The following TRDN variants were observed in gnomAD, a reference collection of about 807,000 sequenced individuals.
TRDN encodes the protein triadin, also known as triadin in skeletal muscle.
A neutral mutation model predicts 149.7 loss-of-function variants in TRDN; 161 were observed. That is an observed-to-expected ratio of 1.08 (90% confidence interval 0.95 to 1.23). The LOEUF is 1.23. Ranked by LOEUF, TRDN falls within the 50% of genes most tolerant of loss-of-function variation. The pLI is 0.00. For missense variants in TRDN, 896 were observed against 823.5 expected, an observed-to-expected ratio of 1.09 and a Z score of -1.08; for synonymous variants, 294 against 250.5, an observed-to-expected ratio of 1.17 and a Z score of -1.64.
rs541954707 is a variant in TRDN at position 123,295,234 on chromosome 6, G to A, written c.1511-16152C>T. On this transcript the variant is annotated intron_variant, in intron 24 of 40. Transcript: ENST00000334268. ...TGATGACTACTCCTCCCCTAGAAAT[G>A]TCTGCATAGACTGCTCCTTAATATG... Among the ~76,000 whole-genome samples, 16 of 152,254 alleles carry A rather than the reference G, an allele frequency of 1.1e-4. No individual in the cohort carries two copies. In the East Asian group the frequency reaches 3.1e-3, roughly 30 times the overall value.
Position 123,548,501 on chromosome 6 carries a change from G to A in TRDN, c.344C>T (p.Ser115Leu). The A allele has an allele frequency of 6.3e-7, 1 of 1,577,220 alleles. No individual in the cohort carries two copies. The highest frequency in any genetic ancestry group is 8.6e-7 in the Non-Finnish European group (1 of 1,160,846). ...GFFSLLSDIISSEDEEDDDGD... is the reference protein window; with the variant it reads ...GFFSLLSDIILSEDEEDDDGD... Reference sequence around the variant, plus strand: ...ATCATCATCTTCTTCATCTTCAGATGAGATGATGTCAGATAACAAAGAAAA... The same window carrying A: ...ATCATCATCTTCTTCATCTTCAGATAAGATGATGTCAGATAACAAAGAAAA... The change falls in exon 3 of 41, where the codon TCA (serine) becomes TTA (leucine). Residue 115 changes from serine to leucine, a missense_variant. By Grantham distance (145) the Ser-to-Leu change is moderately radical. Coordinates refer to ENST00000334268, the MANE Select transcript of TRDN (RefSeq NM_006073.4).
intron 7 of TRDN, among the ~76,000 whole-genome samples, chr6:123,507,303 AT>A (rs1778974443): frequency 1.3e-5 from 2 of 152,084 alleles, no homozygotes; most frequent in Admixed American, 6.6e-5. Context: ...TGAAATTCAG[AT>A]TTCTTTTTAA....
At chr6:123,318,539 T>C (rs1483996444) in intron 23 of TRDN, among the ~76,000 whole-genome samples, 2 of 152,036 alleles carry the variant, frequency 1.3e-5, no homozygotes, top group African/African-American at 4.8e-5. Context: ...TCCTTCTTAG[T>C]TCTGTTTCCG....
At chr6:123,581,255 A>C (rs1285391098) in intron 1 of TRDN, among the ~76,000 whole-genome samples, 4 of 152,054 alleles carry the variant, frequency 2.6e-5, no homozygotes, top group Admixed American at 2.6e-4. Flanking sequence ...TCAGATGTCA[A>C]CTCCTTGACA....
At chr6:123,257,794 T>A (rs941639403) in intron 35 of TRDN, among the ~76,000 whole-genome samples, 1 of 152,240 alleles carries the variant, frequency 6.6e-6, no homozygotes, top group Non-Finnish European at 1.5e-5. Flanking sequence ...TTTGTTTGTG[T>A]CCTCTTTTAT....
chr6:123,375,500 C>G (rs2114394516), intron 19 of TRDN, 105 bp downstream of exon 19: 1 of 899,880 alleles, frequency 1.1e-6, no homozygotes, highest in East Asian at 3.1e-5. Context: ...TACCAAAAAG[C>G]TGGTAAGCCA....
In TRDN at chr6:123,337,688, G is replaced by T; in HGVS notation, c.1370-19C>A. On this transcript the variant is annotated intron_variant, in intron 21 of 40. Transcript: ENST00000334268. ...CTAATTTCTGCAAGAGAGATCATGG[G>T]AAGAAAAAGTTACAAGGAATAAGAG... is the stretch of plus-strand genomic sequence containing the variant. The T allele has an allele frequency of 7.0e-7, 1 of 1,423,324 alleles. No individual in the cohort carries two copies. Among genetic ancestry groups the T allele is most frequent in the Non-Finnish European group, 9.4e-7 (1 of 1,061,232 alleles). The allele number at this position is 1,423,324 out of a possible 1,614,324, so 88.2% of individuals were successfully genotyped here. A position where few individuals can be genotyped will look rare whatever the true frequency, so the allele number is the denominator to read the frequency against.
Position 123,218,577 on chromosome 6 carries a change from CT to C in TRDN, c.*23del, listed in dbSNP as rs1391559640. On this transcript the variant is annotated 3_prime_UTR_variant, in exon 41 of 41. Transcript: ENST00000334268. ...ATCACATTTTTAAAATCTTAAAGCA[CT>C]TGTAAGGGTCATACATGTGTGTTTA... 6.3e-7 allele frequency: 1 copy of C among 1,599,688 alleles called. No individual in the cohort carries two copies. The highest frequency in any genetic ancestry group is 1.4e-5 in the African/African-American group (1 of 74,026).
intron 1 of TRDN, among the ~76,000 whole-genome samples, chr6:123,633,872 T>C (rs77520426): frequency 0.033 from 5,015 of 152,092 alleles, 282 homozygotes; most frequent in African/African-American, 0.11. Context: ...GGATGAGCCA[T>C]GGGAGGCATG....
At chr6:123,229,570 CAA>C (rs1394469043) in intron 38 of TRDN, among the ~76,000 whole-genome samples, 1 of 151,850 alleles carries the variant, frequency 6.6e-6, no homozygotes, top group Admixed American at 6.6e-5. Flanking sequence ...AGCCATGGGT[CAA>C]AAAAGTTTCA....
In TRDN at chr6:123,557,133, C is replaced by T. The variant is rs188480649; in HGVS notation, c.233-8521G>A. On this transcript the variant is annotated intron_variant, in intron 2 of 40. Coordinates refer to ENST00000334268, the MANE Select transcript of TRDN (RefSeq NM_006073.4). ...ACCTACCCAAATCTTATAAAACGGC[C>T]GCACCCCATCTCCCTTCACTGACTC... is the stretch of plus-strand genomic sequence containing the variant. Among the ~76,000 whole-genome samples the T allele has an allele frequency of 1.2e-4, 18 of 151,638 alleles. No homozygotes were observed. In the East Asian group the frequency reaches 2.3e-3, roughly 20 times the overall value.
chr6:123,360,442 A>C (rs1780853299), intron 20 of TRDN, among the ~76,000 whole-genome samples: 1 of 152,204 alleles, frequency 6.6e-6, no homozygotes, highest in African/African-American at 2.4e-5. Context: ...CCAGGGGACT[A>C]TATTGTCATG....
rs1338666896 is a variant in TRDN, at chr6:123,502,569, A to G, written c.793+1150T>C. ...ATACTACATGTGAATCAAAGTTTAC[A>G]AATGCAAATTCAAGAGAAAAAAGAT... On this transcript the variant is annotated intron_variant, in intron 8 of 40. Transcript: ENST00000334268. The G allele has an allele frequency of 9.1e-6, 9 of 984,614 alleles. 1 individual carries two copies. In the South Asian group the frequency reaches 4.2e-4, roughly 46 times the overall value. 61.0% of individuals were successfully genotyped at this position (984,614 alleles called of 1,614,324 possible).
At chr6:123,276,077 CTT>C (rs1403193602) in intron 26 of TRDN, among the ~76,000 whole-genome samples, 2 of 152,044 alleles carry the variant, frequency 1.3e-5, no homozygotes, top group African/African-American at 2.4e-5. Flanking sequence ...CACGGAGCCT[CTT>C]TTATAATGGC....
chr6:123,531,924 G>GC (rs1780271763), intron 4 of TRDN, among the ~76,000 whole-genome samples: 1 of 151,990 alleles, frequency 6.6e-6, no homozygotes, highest in Admixed American at 6.6e-5. Context: ...CTACCTTTTA[G>GC]ATGCCAGTAG....
chr6:123,591,912 G>C (rs1186842825), intron 1 of TRDN, among the ~76,000 whole-genome samples: 1 of 152,138 alleles, frequency 6.6e-6, no homozygotes, highest in South Asian at 2.1e-4. Flanking sequence ...AGCTCACACA[G>C]TTTTAGAAAC....
At chr6:123,438,247 G>A in intron 11 of TRDN, 125 bp from the exon 12 acceptor site, 4 of 689,920 alleles carry the variant, frequency 5.8e-6, no homozygotes, top group Non-Finnish European at 9.6e-6. Context: ...TCAGCCATAA[G>A]TCATGTCAAA....
intron 38 of TRDN, among the ~76,000 whole-genome samples, chr6:123,244,083 T>A (rs576479912): frequency 6.6e-6 from 1 of 152,038 alleles, no homozygotes; most frequent in African/African-American, 2.4e-5. Context: ...AAAAACCCCA[T>A]CCAAAGGTCA....
intron 1 of TRDN, among the ~76,000 whole-genome samples, chr6:123,574,857 C>CAT (rs1162190609): frequency 0.17 from 8,402 of 49,650 alleles, 481 homozygotes; most frequent in South Asian, 0.2. Context: ...TTTATATATA[C>CAT]ATATATATAT....
Sources: allele counts gnomAD v4.1 joint callset (sites outside exome capture counted in the v4.1 genomes callset), GRCh38; gene constraint gnomAD v4.1.1; transcripts MANE v1.5; gene names NCBI Gene and HGNC (gene_info 2026-07-23, HGNC 2026-07-21).